The following TVP23A variants were observed in gnomAD, a reference collection of about 807,000 sequenced individuals.
TVP23A encodes the protein trans-golgi network vesicle protein 23 homolog A.
A neutral mutation model predicts 31.7 loss-of-function variants in TVP23A; 21 were observed. The observed-to-expected ratio is 0.66, with a 90% CI of 0.47 to 0.95. TVP23A has a LOEUF of 0.95. Ranked by LOEUF, TVP23A falls within the 40% of genes least tolerant of loss-of-function variation. TVP23A has a pLI of 0.00. For missense variants in TVP23A, 279 were observed against 255.6 expected, an observed-to-expected ratio of 1.09 and a Z score of -0.62; for synonymous variants, 104 against 96.0, an observed-to-expected ratio of 1.08 and a Z score of -0.49.
At chr16:10,790,404 C>A (rs1596534237) in intron 2 of TVP23A, among the ~76,000 whole-genome samples, 1 of 151,622 alleles carries the variant, frequency 6.6e-6, no homozygotes, top group African/African-American at 2.4e-5. Flanking sequence ...CCTGCCTCAG[C>A]CTCCCGAGTA....
intron 2 of TVP23A, among the ~76,000 whole-genome samples, chr16:10,799,753 GCTTA>G (rs2033600288): frequency 6.6e-6 from 1 of 152,326 alleles, no homozygotes; most frequent in African/African-American, 2.4e-5. Flanking sequence ...GGGGTCCCAG[GCTTA>G]CTTGAGGAGA....
chr16:10,774,249 G>T, intron 3 of TVP23A, 121 bp from the exon 4 acceptor site: 1 of 647,850 alleles, frequency 1.5e-6, no homozygotes, highest in Non-Finnish European at 2.5e-6. Flanking sequence ...AAGAAAAAAG[G>T]CCTTGAATTG....
intron 2 of TVP23A, among the ~76,000 whole-genome samples, chr16:10,796,624 G>A (rs1472044619): frequency 1.3e-5 from 2 of 151,908 alleles, no homozygotes; most frequent in Non-Finnish European, 2.9e-5. Flanking sequence ...ATTTTTAGTA[G>A]AGACAGGGTT....
chr16:10,800,924 G>C lies in TVP23A; in HGVS notation c.89+17179C>G, dbSNP rs530877890. ...GAGGATCACTTGAGCCTGGAAGGCA[G>C]AGGATACAGTGAGCCAAGATTGTGC... On this transcript the variant is annotated intron_variant, in intron 2 of 7. Coordinates refer to ENST00000299866, the MANE Select transcript of TVP23A (RefSeq NM_001079512.4). Among the ~76,000 whole-genome samples, 502 of 152,318 alleles carry C rather than the reference G, an allele frequency of 3.3e-3. 1 individual carries two copies. Among genetic ancestry groups the C allele is most frequent in the Non-Finnish European group, 6.4e-3 (437 of 68,020 alleles).
At chr16:10,801,283 A>G (rs2033683113) in intron 2 of TVP23A, among the ~76,000 whole-genome samples, 1 of 152,230 alleles carries the variant, frequency 6.6e-6, no homozygotes, top group South Asian at 2.1e-4. Context: ...TTTCTGCAGT[A>G]TCTCTGCCAA....
chr16:10,816,228 C>CAAAAAAAAAAAAAA (rs760801777), intron 2 of TVP23A, among the ~76,000 whole-genome samples: 9 of 73,826 alleles, frequency 1.2e-4, no homozygotes, highest in African/African-American at 3.4e-4. Flanking sequence ...AACCCTATCT[C>CAAAAAAAAAAAAAA]AAAAAAAAAA....
chr16:10,765,524 A>G (rs78178924), downstream of TVP23A, among the ~76,000 whole-genome samples: 3,840 of 152,054 alleles, frequency 0.025, 164 homozygotes, highest in African/African-American at 0.088. The surrounding 1 kb of genome is among the most constrained non-coding windows in gnomAD (Gnocchi z 4.0). Flanking sequence ...AAATTTAAAA[A>G]TGGCATGCTT....
At chr16:10,765,802 C>T (rs1402905480), downstream of TVP23A, among the ~76,000 whole-genome samples, 4 of 152,200 alleles carry the variant, frequency 2.6e-5, no homozygotes, top group Non-Finnish European at 5.9e-5. This position sits in a 1 kb window ranked among gnomAD's most constrained non-coding sequence, Gnocchi z 4.0. Flanking sequence ...GTGACAGCTG[C>T]GAGGCTCATT....
In TVP23A at chr16:10,818,733, G is replaced by C. The variant is rs2034559958; in HGVS notation, c.-240C>G. 1 of 499,500 alleles carries C rather than the reference G, an allele frequency of 2.0e-6. No individual in the cohort carries two copies. Among genetic ancestry groups the C allele is most frequent in the Non-Finnish European group, 3.5e-6 (1 of 289,322 alleles). The allele number at this position is 499,500 out of a possible 1,614,324, so 30.9% of individuals were successfully genotyped here. ...CGGCTCGCCGGGGACGCGCCCAGGA[G>C]AGAAAGCGGCGGCAGGGAGGCAACG... On this transcript the variant is annotated 5_prime_UTR_variant, in exon 1 of 8. Transcript: ENST00000299866. The surrounding 1 kb of genome is among the most constrained non-coding windows in gnomAD (Gnocchi z 4.7).
intron 2 of TVP23A, among the ~76,000 whole-genome samples, chr16:10,805,676 G>A (rs976108254): frequency 2.6e-5 from 4 of 150,972 alleles, no homozygotes; most frequent in Admixed American, 6.6e-5. Flanking sequence ...ATCACATTCC[G>A]CTTTACTCTC....
intron 2 of TVP23A, among the ~76,000 whole-genome samples, chr16:10,816,437 G>A (rs2034443185): frequency 6.6e-6 from 1 of 151,972 alleles, no homozygotes; most frequent in African/African-American, 2.4e-5. Flanking sequence ...GGGTTCAAGT[G>A]ATTCTCCTTC....
chr16:10,775,440 C>T (rs977857683), intron 2 of TVP23A: 6 of 1,084,838 alleles, frequency 5.5e-6, no homozygotes, highest in Non-Finnish European at 5.6e-6. Flanking sequence ...AGATGACGGC[C>T]AGTTCCCTAA....
At position 10,776,948 on chromosome 16, in the gene TVP23A, C is replaced by T. The variant is rs919038860; in HGVS notation, c.90-1852G>A. Among the ~76,000 whole-genome samples, 28 of 152,086 alleles carry T rather than the reference C, an allele frequency of 1.8e-4. 1 individual carries two copies. The highest frequency in any genetic ancestry group is 2.8e-4 in the Non-Finnish European group (19 of 68,024). On this transcript the variant is annotated intron_variant, in intron 2 of 7. Coordinates refer to ENST00000299866, the MANE Select transcript of TVP23A (RefSeq NM_001079512.4). ...CATCTTGGTTTTGGTGGGTTTTAGC[C>T]GGCTTTTTTACTGCAACCTGTTTTA...
At chr16:10,757,529 C>T (rs961473669), downstream of TVP23A, among the ~76,000 whole-genome samples, 5 of 152,138 alleles carry the variant, frequency 3.3e-5, no homozygotes, top group African/African-American at 1.2e-4. This position sits in a 1 kb window ranked among gnomAD's most constrained non-coding sequence, Gnocchi z 4.1. Context: ...AACAGTGTCC[C>T]TGGCCTTTAC....
chr16:10,770,052 G>A (rs930002013), intron 7 of TVP23A, among the ~76,000 whole-genome samples: 3 of 152,176 alleles, frequency 2.0e-5, no homozygotes, highest in African/African-American at 7.2e-5. Flanking sequence ...TGAGGAAGGT[G>A]TGACCTCGCC....
intron 2 of TVP23A, among the ~76,000 whole-genome samples, chr16:10,787,158 C>G (rs573432412): frequency 6.6e-6 from 1 of 152,278 alleles, no homozygotes; most frequent in East Asian, 1.9e-4. Flanking sequence ...CGCTCCTGCT[C>G]CATGCTTGCT....
At chr16:10,758,004 G>T, downstream of TVP23A, 2 of 1,614,050 alleles carry the variant, frequency 1.2e-6, no homozygotes, top group Non-Finnish European at 1.7e-6. Context: ...CATCGATGGA[G>T]CAGTGATCAT....
rs555523784 is a variant in TVP23A at position 10,767,214 on chromosome 16, C to A, written c.*1888G>T. 228 of 399,668 alleles carry A rather than the reference C, an allele frequency of 5.7e-4. No homozygotes were observed. The highest frequency in any genetic ancestry group is 7.7e-4 in the Non-Finnish European group (175 of 227,082). 24.8% of individuals were successfully genotyped at this position (399,668 alleles called of 1,614,324 possible). A position where few individuals can be genotyped will look rare whatever the true frequency, so the allele number is the denominator to read the frequency against. ...CACCCACGACTGGGGGCTGGCAGGG[C>A]AGACTGGAGGCGAGAACACCCCCAT... On this transcript the variant is annotated 3_prime_UTR_variant, in exon 8 of 8. Coordinates refer to ENST00000299866, the MANE Select transcript of TVP23A (RefSeq NM_001079512.4). This position sits in a 1 kb window ranked among gnomAD's most constrained non-coding sequence, Gnocchi z 4.6.
In TVP23A at chr16:10,779,417, C is replaced by G. The variant is rs1023718570; in HGVS notation, c.90-4321G>C. Among the ~76,000 whole-genome samples, 1 of 152,094 alleles carries G rather than the reference C, an allele frequency of 6.6e-6. No individual in the cohort carries two copies. The highest frequency in any genetic ancestry group is 1.5e-5 in the Non-Finnish European group (1 of 68,024). ...AGTCCTGTCCACTCGTCTCTGCCAT[C>G]GGGTCCTCCATCCTCCTGCTCCCCA... On this transcript the variant is annotated intron_variant, in intron 2 of 7. Transcript: ENST00000299866. The surrounding 1 kb of genome is among the most constrained non-coding windows in gnomAD (Gnocchi z 4.9).
Sources: allele counts gnomAD v4.1 joint callset (sites outside exome capture counted in the v4.1 genomes callset), GRCh38; gene constraint gnomAD v4.1.1; non-coding constraint Gnocchi (gnomAD v3.1); transcripts MANE v1.5; gene names NCBI Gene and HGNC (gene_info 2026-07-23, HGNC 2026-07-21).